Variants in CSMD2 observed in about 807,000 individuals in gnomAD.
CSMD2 encodes CUB and sushi domain-containing protein 2.
CSMD2 carries 130 observed loss-of-function variants against 398.5 expected under a neutral mutation model. That is an observed-to-expected ratio of 0.33 (90% CI 0.28 to 0.38). The LOEUF (loss-of-function observed/expected upper bound fraction) is 0.38, where lower values mean the gene tolerates loss of function less well. CSMD2 is among the 10% of genes least tolerant of loss of function. The pLI, the probability that CSMD2 is intolerant of heterozygous loss-of-function variation, is 1.00. For synonymous variants in CSMD2, 1,828 were observed against 1,908.5 expected (o/e 0.96, Z 1.10); for missense variants, 3,829 against 4,764.9 (o/e 0.80, Z 5.78).
chr1:33,683,915 G>C (rs1466576313), intron 25 of CSMD2, among the ~76,000 whole-genome samples: 3 of 152,202 alleles, frequency 2.0e-5, no homozygotes, highest in Admixed American at 2.0e-4. Flanking sequence ...CTCTGTTTAA[G>C]GTTTAACTTG....
At chr1:33,894,284 G>T (rs775524945) in intron 5 of CSMD2, among the ~76,000 whole-genome samples, 21 of 152,224 alleles carry the variant, frequency 1.4e-4, no homozygotes, top group Admixed American at 1.2e-3. Flanking sequence ...AGCAGGTGGT[G>T]CCAGTGTCCT....
chr1:34,099,137 A>T (rs1273568370), intron 1 of CSMD2, among the ~76,000 whole-genome samples: 1 of 152,186 alleles, frequency 6.6e-6, no homozygotes, highest in Non-Finnish European at 1.5e-5. Context: ...ACTTTCAGAG[A>T]AGCCCTGAGT....
At chr1:33,625,027 A>T (rs1207517662) in intron 34 of CSMD2, 24 bp downstream of exon 34, 1 of 1,612,432 alleles carries the variant, frequency 6.2e-7, no homozygotes, top group Admixed American at 1.7e-5. Context: ...CCGCACCCTC[A>T]ACGCCCGGGT....
chr1:34,133,994 G>T, intron 1 of CSMD2, among the ~76,000 whole-genome samples: 1 of 147,506 alleles, frequency 6.8e-6, no homozygotes, highest in South Asian at 2.2e-4. Context: ...GCTTGAACCG[G>T]GGAGGCAGAG....
chr1:33,699,835 C>T (rs1362826088), intron 23 of CSMD2, among the ~76,000 whole-genome samples: 2 of 152,124 alleles, frequency 1.3e-5, no homozygotes, highest in African/African-American at 4.8e-5. Context: ...ACATTTTTCC[C>T]CCAACTCCCT....
chr1:33,767,418 C>G (rs1222597589), intron 13 of CSMD2, among the ~76,000 whole-genome samples: 2 of 152,136 alleles, frequency 1.3e-5, no homozygotes, highest in African/African-American at 4.8e-5. Flanking sequence ...AAGTCTCTGT[C>G]AAGTATTGGC....
At chr1:33,984,876 CAGGCAGGCAGGA>C (rs1057363614) in intron 3 of CSMD2, among the ~76,000 whole-genome samples, 2 of 150,572 alleles carry the variant, frequency 1.3e-5, no homozygotes, top group African/African-American at 5.0e-5. Context: ...GGCAGGCAGG[CAGGCAGGCAGGA>C]AGGAAGGAAG....
chr1:33,516,917 A>T (rs888070039), intron 70 of CSMD2, among the ~76,000 whole-genome samples: 1 of 143,184 alleles, frequency 7.0e-6, no homozygotes. Context: ...AAAAAAAAAA[A>T]TGACTAGGAT....
At chr1:34,076,928 A>ATATATATAT (rs1553305736) in intron 2 of CSMD2, among the ~76,000 whole-genome samples, 1 of 53,600 alleles carries the variant, frequency 1.9e-5, no homozygotes, top group African/African-American at 8.6e-5. Flanking sequence ...AAAAAAAAAA[A>ATATATATAT]ATATATATAT....
chr1:33,617,502 G>A lies in CSMD2; in HGVS notation c.5943C>T (p.Leu1981=). ...TCTAGGGTGTCAGGGGAGGTACCTG[G>A]AGGGCATATCCCGGCTCACACTGGA... ...VSFQCEPGYA[L]QGHAHISCMP... is the part of the protein sequence containing the mutation. Residue 1981 remains leucine (L), a synonymous_variant, in exon 38 of 71, where the codon CTC becomes CTT. Transcript: ENST00000373381. 6.2e-7 allele frequency: 1 copy of A among 1,612,142 alleles called. No individual in the cohort carries two copies. The highest frequency in any genetic ancestry group is 8.5e-7 in the Non-Finnish European group (1 of 1,178,218).
In CSMD2 at chr1:33,924,550, A is replaced by G. The variant is rs1414591249; in HGVS notation, c.713-6249T>C. Among the ~76,000 whole-genome samples the G allele has an allele frequency of 2.0e-5, 3 of 152,188 alleles. No individual in the cohort carries two copies. The East Asian group carries it at 5.8e-4, about 29-fold the overall frequency. On this transcript the variant is annotated intron_variant, in intron 4 of 70. Coordinates refer to ENST00000373381, the MANE Select transcript of CSMD2 (RefSeq NM_001281956.2). ...CATTGATTTCCTTTCCTTTGGATAA[A>G]TACTCAGTAGTGGAATTGCTTGATC... is the stretch of plus-strand genomic sequence containing the variant.
chr1:34,008,972 T>G (rs1464129714), intron 3 of CSMD2, among the ~76,000 whole-genome samples: 1 of 151,938 alleles, frequency 6.6e-6, no homozygotes, highest in Non-Finnish European at 1.5e-5. Context: ...CTCCCCAGCT[T>G]TCTTTGCCTA....
chr1:33,745,165 A>G (rs2149259916), intron 13 of CSMD2, among the ~76,000 whole-genome samples: 1 of 152,364 alleles, frequency 6.6e-6, no homozygotes, highest in South Asian at 2.1e-4. Flanking sequence ...ATAATTTTAA[A>G]TAAAGCAGTA....
At chr1:33,805,137 A>G (rs931064346) in intron 10 of CSMD2, among the ~76,000 whole-genome samples, 1 of 152,192 alleles carries the variant, frequency 6.6e-6, no homozygotes, top group Non-Finnish European at 1.5e-5. Flanking sequence ...CTGGGGGTGA[A>G]TCTAATTGTT....
intron 5 of CSMD2, among the ~76,000 whole-genome samples, chr1:33,910,740 C>T (rs1007643922): frequency 1.3e-5 from 2 of 152,184 alleles, no homozygotes; most frequent in African/African-American, 4.8e-5. Context: ...GTCCCCTTTG[C>T]CACCTCTTGG....
intron 1 of CSMD2, among the ~76,000 whole-genome samples, chr1:34,096,099 G>A (rs1009165816): frequency 1.8e-4 from 27 of 152,050 alleles, no homozygotes; most frequent in Admixed American, 1.8e-3. Context: ...TGCAAGGCTG[G>A]TTCAATATAC....
intron 25 of CSMD2, among the ~76,000 whole-genome samples, chr1:33,689,530 C>T (rs1244587679): frequency 6.6e-6 from 1 of 152,122 alleles, no homozygotes; most frequent in Non-Finnish European, 1.5e-5. Context: ...TCCTGTCTCC[C>T]CTCCACCCCC....
At chr1:33,612,838 G>C (rs10158989) in intron 40 of CSMD2, among the ~76,000 whole-genome samples, 6,020 of 110,542 alleles carry the variant, frequency 0.054, 399 homozygotes, top group African/African-American at 0.19. Context: ...CCCGCCACCA[G>C]GCCCAGCTAA....
At chr1:33,775,098 T>C (rs1316879452) in intron 12 of CSMD2, among the ~76,000 whole-genome samples, 1 of 152,180 alleles carries the variant, frequency 6.6e-6, no homozygotes, top group East Asian at 1.9e-4. Flanking sequence ...ACTAACCTCA[T>C]CTACAAAATT....
Sources: gnomAD v4.1 joint callset for allele counts (sites outside exome capture counted in the v4.1 genomes callset) on GRCh38, gnomAD v4.1.1 for gene constraint, MANE v1.5 for transcripts, NCBI Gene and HGNC (gene_info 2026-07-23, HGNC 2026-07-21) for gene names.